TMEM26: variants seen among roughly 807,000 people sequenced by gnomAD.
The protein encoded by TMEM26 is transmembrane protein 26.
TMEM26 carries 38 observed loss-of-function variants against 28.8 expected under a neutral mutation model. The observed-to-expected ratio is 1.32, with a 90% CI of 1.02 to 1.73. TMEM26 has a LOEUF of 1.73. Among genes scored for constraint, TMEM26 ranks in the 40% most tolerant of loss-of-function variants. The probability of loss-of-function intolerance (pLI) is 0.00; values close to 1 mark genes in which losing one functional copy is unlikely to be tolerated. For synonymous variants in TMEM26, 227 were observed against 182.9 expected (o/e 1.24, Z -1.95); for missense variants, 518 against 447.1 (o/e 1.16, Z -1.43).
At chr10:61,431,782 G>A (rs1057383921) in intron 2 of TMEM26, among the ~76,000 whole-genome samples, 1 of 151,844 alleles carries the variant, frequency 6.6e-6, no homozygotes, top group African/African-American at 2.4e-5. Flanking sequence ...TGTTACATGG[G>A]TAAATGGCAT....
intron 1 of TMEM26, among the ~76,000 whole-genome samples, chr10:61,442,515 A>G (rs1564482812): frequency 6.6e-6 from 1 of 152,198 alleles, no homozygotes; most frequent in East Asian, 1.9e-4. Context: ...AATATTCAAA[A>G]TGTACTTCAA....
intron 1 of TMEM26, among the ~76,000 whole-genome samples, chr10:61,449,748 A>T (rs1356045895): frequency 1.3e-5 from 2 of 151,998 alleles, no homozygotes; most frequent in Non-Finnish European, 2.9e-5. Flanking sequence ...ATTCTAATTT[A>T]TTCCTCTTTA....
intron 4 of TMEM26, among the ~76,000 whole-genome samples, chr10:61,426,514 A>G (rs896415608): frequency 6.6e-6 from 1 of 152,140 alleles, no homozygotes; most frequent in Non-Finnish European, 1.5e-5. Flanking sequence ...CTTCAATGTG[A>G]GCCAAAGGAA....
At chr10:61,446,129 A>G (rs1436032167) in intron 1 of TMEM26, among the ~76,000 whole-genome samples, 8 of 152,226 alleles carry the variant, frequency 5.3e-5, no homozygotes, top group Non-Finnish European at 1.0e-4. Context: ...CTACTTGCAG[A>G]CATAATTATT....
chr10:61,426,120 A>G (rs1241865726), intron 4 of TMEM26, among the ~76,000 whole-genome samples: 1 of 152,174 alleles, frequency 6.6e-6, no homozygotes, highest in African/African-American at 2.4e-5. Flanking sequence ...GGAGCTAAAC[A>G]TGAAACAACA....
intron 1 of TMEM26, among the ~76,000 whole-genome samples, chr10:61,440,766 T>C (rs1356872749): frequency 6.6e-6 from 1 of 152,182 alleles, no homozygotes; most frequent in Admixed American, 6.5e-5. Context: ...ATCGTTTAAG[T>C]GTTGACTCCA....
At chr10:61,431,818 A>T (rs1839927917) in intron 2 of TMEM26, among the ~76,000 whole-genome samples, 1 of 151,988 alleles carries the variant, frequency 6.6e-6, no homozygotes, top group African/African-American at 2.4e-5. Flanking sequence ...TGTATGAAGA[A>T]TTCCATCACC....
chr10:61,443,547 A>T (rs1318733426), intron 1 of TMEM26, among the ~76,000 whole-genome samples: 1 of 152,140 alleles, frequency 6.6e-6, no homozygotes, highest in Non-Finnish European at 1.5e-5. Context: ...TAATGACAGA[A>T]GAGACAAGGA....
At chr10:61,437,083 G>A (rs1248253244) in intron 1 of TMEM26, among the ~76,000 whole-genome samples, 2 of 152,174 alleles carry the variant, frequency 1.3e-5, no homozygotes, top group Non-Finnish European at 2.9e-5. Context: ...CTGAGATTAA[G>A]GAGCCAGAAG....
In TMEM26 at chr10:61,436,178, C is replaced by A; in HGVS notation, c.262G>T (p.Glu88Ter). Reference protein sequence around the residue: ...PSLWLLELHHETQYCSIQAEG... With the variant: ...PSLWLLELHH ...TTTCCAAAAAGAAGTACCTGGGTCTCATGGTGCAATTCAAGAAGCCATAAT... is the reference window on the plus strand; with the variant it reads ...TTTCCAAAAAGAAGTACCTGGGTCTAATGGTGCAATTCAAGAAGCCATAAT... The change falls in exon 2 of 6, where the codon GAG (glutamate) becomes TAG (stop). Residue 88 changes from glutamate to a stop codon, truncating the protein, a stop_gained. Coordinates refer to ENST00000399298, the MANE Select transcript of TMEM26 (RefSeq NM_178505.8). LOFTEE classifies it high-confidence loss of function. The A allele has an allele frequency of 6.2e-7, 1 of 1,602,978 alleles. No individual in the cohort carries two copies. Among genetic ancestry groups the A allele is most frequent in the Non-Finnish European group, 8.5e-7 (1 of 1,171,864 alleles).
At chr10:61,439,319 T>G (rs1840055905) in intron 1 of TMEM26, among the ~76,000 whole-genome samples, 1 of 152,244 alleles carries the variant, frequency 6.6e-6, no homozygotes, top group Non-Finnish European at 1.5e-5. Context: ...GTCTTATATA[T>G]TCCTTATATC....
chr10:61,432,349 T>C (rs913500504), intron 2 of TMEM26, among the ~76,000 whole-genome samples: 5 of 152,126 alleles, frequency 3.3e-5, no homozygotes, highest in African/African-American at 1.2e-4. Context: ...CATTTTTCCT[T>C]TTTTGTTTCT....
rs199729426 is a variant in TMEM26, at chr10:61,420,631, T to TTA, written c.606-7098_606-7097dup. 6.5e-3 allele frequency among the ~76,000 whole-genome samples: 987 copies of TTA among 151,924 alleles called. 30 individuals carry two copies. The highest frequency in any genetic ancestry group is 0.062 in the East Asian group (321 of 5,164). On this transcript the variant is annotated intron_variant, in intron 4 of 5. Coordinates refer to ENST00000399298, the MANE Select transcript of TMEM26 (RefSeq NM_178505.8). ...CCTGTAAACTATGTTTTTCCTCAAA[T>TTA]TATATATATATGAAAAACCTGTCAA...
intron 2 of TMEM26, 94 bp downstream of exon 2, chr10:61,436,076 C>T: frequency 1.3e-6 from 1 of 754,842 alleles, no homozygotes. Flanking sequence ...AACTCCAGTA[C>T]CTTAGAAAAG....
intron 4 of TMEM26, among the ~76,000 whole-genome samples, chr10:61,420,248 A>C (rs766580307): frequency 1.3e-5 from 2 of 152,148 alleles, no homozygotes; most frequent in African/African-American, 4.8e-5. Context: ...GTGGAAGTGA[A>C]TCATCATAAA....
chr10:61,418,838 C>A (rs985373010), intron 4 of TMEM26, among the ~76,000 whole-genome samples: 17 of 152,040 alleles, frequency 1.1e-4, no homozygotes, highest in Non-Finnish European at 2.9e-5. Context: ...GACTGAGAAA[C>A]TGCAGGCATG....
At chr10:61,435,431 G>A (rs960513753) in intron 2 of TMEM26, among the ~76,000 whole-genome samples, 5 of 152,074 alleles carry the variant, frequency 3.3e-5, no homozygotes, top group African/African-American at 1.2e-4. Flanking sequence ...CACCCGCTTC[G>A]GCCTCCCAAA....
chr10:61,453,036 A>G lies in TMEM26; in HGVS notation c.46T>C (p.Phe16Leu), dbSNP rs1179588237. 19 of 1,613,810 alleles carry G rather than the reference A, an allele frequency of 1.2e-5. No individual in the cohort carries two copies. The highest frequency in any genetic ancestry group is 3.3e-5 in the Admixed American group (2 of 60,016). ...ACCCCGACCAGCGAGTGCAGCAGGA[A>G]CAGCAACCGAGTGGCCAGGGCGTTA... ...FLNALATRLL[F>L]LLHSLVGVWR... The change falls in exon 1 of 6, where the codon TTC (phenylalanine) becomes CTC (leucine). Residue 16 changes from phenylalanine (F) to leucine (L), a missense_variant. Transcript: ENST00000399298.
intron 1 of TMEM26, among the ~76,000 whole-genome samples, chr10:61,446,261 A>G (rs1840178833): frequency 6.6e-6 from 1 of 152,214 alleles, no homozygotes; most frequent in South Asian, 2.1e-4. Context: ...ATTACTAAGA[A>G]CAAAGTCATT....
Sources: allele counts gnomAD v4.1 joint callset (sites outside exome capture counted in the v4.1 genomes callset), GRCh38; gene constraint gnomAD v4.1.1; transcripts MANE v1.5; gene names NCBI Gene and HGNC (gene_info 2026-07-23, HGNC 2026-07-21).